LRRC53: variants seen among roughly 807,000 people sequenced by gnomAD.
LRRC53 encodes the protein leucine rich repeat containing 53, also known as leucine-rich repeat-containing protein 53.
A neutral mutation model predicts 13.6 loss-of-function variants in LRRC53; 25 were observed. The ratio of observed to expected loss-of-function variants is 1.83; its 90% CI spans 1.34 to 2.56. The LOEUF is 2.56. Among genes scored for constraint, LRRC53 ranks in the 30% most tolerant of loss-of-function variants. LRRC53 has a pLI of 0.00. For synonymous variants in LRRC53, 204 were observed against 109.8 expected (o/e 1.86, Z -5.37); for missense variants, 527 against 275.8 (o/e 1.91, Z -6.45).
intron 1 of LRRC53, among the ~76,000 whole-genome samples, chr1:74,497,464 G>A (rs1669386421): frequency 2.0e-5 from 3 of 151,870 alleles, no homozygotes; most frequent in Non-Finnish European, 4.4e-5. Flanking sequence ...TCAGCACCTT[G>A]CTCATGACCA....
intron 1 of LRRC53, among the ~76,000 whole-genome samples, chr1:74,490,193 A>C (rs1187321445): frequency 1.3e-5 from 2 of 152,074 alleles, no homozygotes; most frequent in Non-Finnish European, 2.9e-5. Context: ...CTTTTGTGTA[A>C]AAAGAAGCTT....
chr1:74,501,970 T>C (rs1350818969), intron 1 of LRRC53, among the ~76,000 whole-genome samples: 1 of 152,166 alleles, frequency 6.6e-6, no homozygotes, highest in Non-Finnish European at 1.5e-5. Flanking sequence ...GTAGAGTGAA[T>C]TTTATTTTTT....
At chr1:74,527,172 C>T in the LRRC53 span, among the ~76,000 whole-genome samples, 19 of 152,118 alleles carry the variant, frequency 1.2e-4, no homozygotes, top group East Asian at 1.9e-4. Flanking sequence ...TTTACTAGCC[C>T]GTGCCAGGTG....
chr1:74,532,477 A>C, the LRRC53 span, among the ~76,000 whole-genome samples: 2 of 150,892 alleles, frequency 1.3e-5, no homozygotes, highest in Non-Finnish European at 3.0e-5. Flanking sequence ...TTTTCTTTTT[A>C]TTTTATTATT....
chr1:74,532,110 A>G, the LRRC53 span, among the ~76,000 whole-genome samples: 1 of 152,236 alleles, frequency 6.6e-6, no homozygotes, highest in Non-Finnish European at 1.5e-5. Flanking sequence ...AGATGAATCC[A>G]TGCATGCAGC....
chr1:74,516,177 G>T (rs1646344917), upstream of LRRC53, among the ~76,000 whole-genome samples: 1 of 152,062 alleles, frequency 6.6e-6, no homozygotes, highest in Non-Finnish European at 1.5e-5. Flanking sequence ...TAAAAATATG[G>T]TCATTTATTT....
upstream of LRRC53, among the ~76,000 whole-genome samples, chr1:74,516,154 A>G (rs1646344636): frequency 6.6e-6 from 1 of 152,216 alleles, no homozygotes; most frequent in Admixed American, 6.5e-5. Context: ...TAACTCTGGT[A>G]TTTCAAAATT....
chr1:74,513,363 G>A (rs1646293496), upstream of LRRC53, among the ~76,000 whole-genome samples: 1 of 152,224 alleles, frequency 6.6e-6, no homozygotes, highest in African/African-American at 2.4e-5. Flanking sequence ...TGTTGGGGAT[G>A]CAGGGGCACT....
At chr1:74,480,017 T>C in intron 3 of LRRC53, 136 bp downstream of exon 3, 3 of 604,696 alleles carry the variant, frequency 5.0e-6, no homozygotes, top group Non-Finnish European at 8.9e-6. Flanking sequence ...TCAGCTAATA[T>C]CCTCCCACAT....
chr1:74,498,622 A>G (rs1183423638), intron 1 of LRRC53, among the ~76,000 whole-genome samples: 2 of 152,188 alleles, frequency 1.3e-5, no homozygotes, highest in Non-Finnish European at 2.9e-5. Context: ...AAGTGAGTAA[A>G]ACTCTGGCAT....
intron 1 of LRRC53, among the ~76,000 whole-genome samples, chr1:74,498,153 T>A (rs1484587138): frequency 6.6e-6 from 1 of 152,192 alleles, no homozygotes; most frequent in African/African-American, 2.4e-5. Flanking sequence ...AGAGGAAAAC[T>A]ACAGACAAAC....
chr1:74,504,703 A>C (rs1302882899), intron 1 of LRRC53, among the ~76,000 whole-genome samples: 1 of 152,122 alleles, frequency 6.6e-6, no homozygotes, highest in African/African-American at 2.4e-5. Context: ...AGAGTGAGCG[A>C]GTGACATATT....
the LRRC53 span, among the ~76,000 whole-genome samples, chr1:74,527,070 G>A: frequency 6.6e-6 from 1 of 152,152 alleles, no homozygotes; most frequent in Non-Finnish European, 1.5e-5. Context: ...ATCTATATTT[G>A]TTCAAGTCAC....
chr1:74,530,167 G>T, the LRRC53 span, among the ~76,000 whole-genome samples: 16 of 152,176 alleles, frequency 1.1e-4, no homozygotes, highest in Middle Eastern at 3.4e-3. Context: ...AGAGGGTAGG[G>T]TCTATATCCA....
At chr1:74,514,418 C>T (rs1261788411), upstream of LRRC53, among the ~76,000 whole-genome samples, 1 of 152,128 alleles carries the variant, frequency 6.6e-6, no homozygotes, top group Non-Finnish European at 1.5e-5. Flanking sequence ...AAAAGGGGAG[C>T]ATTAATGAAA....
intron 1 of LRRC53, among the ~76,000 whole-genome samples, chr1:74,497,709 T>C (rs1040000476): frequency 2.0e-5 from 3 of 152,188 alleles, no homozygotes; most frequent in African/African-American, 7.2e-5. Context: ...ACTTCTCTCC[T>C]GTTCCAGCTT....
At chr1:74,521,247 G>A in the LRRC53 span, among the ~76,000 whole-genome samples, 1 of 152,136 alleles carries the variant, frequency 6.6e-6, no homozygotes, top group Non-Finnish European at 1.5e-5. Flanking sequence ...CATTTTCTCT[G>A]TGCGATCTTG....
intron 1 of LRRC53, chr1:74,489,299 A>C: frequency 2.5e-6 from 4 of 1,575,664 alleles, no homozygotes; most frequent in Non-Finnish European, 3.5e-6. Context: ...CTGCATATCC[A>C]AGGCTGTCAG....
chr1:74,473,365 A>G (rs886186066), intron 4 of LRRC53, among the ~76,000 whole-genome samples: 2 of 152,074 alleles, frequency 1.3e-5, no homozygotes, highest in African/African-American at 4.8e-5. Context: ...TCTTAACCAC[A>G]ATGCATCTAA....
Sources: allele counts gnomAD v4.1 joint callset (sites outside exome capture counted in the v4.1 genomes callset), GRCh38; gene constraint gnomAD v4.1.1; transcripts MANE v1.5; gene names NCBI Gene and HGNC (gene_info 2026-07-23, HGNC 2026-07-21).